Variants in NDEL1 observed in about 807,000 individuals in gnomAD.
The protein encoded by NDEL1 is nuclear distribution protein nudE-like 1.
A neutral mutation model predicts 45.7 loss-of-function variants in NDEL1; 9 were observed. The ratio of observed to expected loss-of-function variants is 0.20; its 90% CI spans 0.12 to 0.34. The LOEUF is 0.34. NDEL1 is among the 10% of genes least tolerant of loss of function. The pLI is 1.00. For missense variants in NDEL1, 306 were observed against 406.2 expected, an observed-to-expected ratio of 0.75 and a Z score of 2.12; for synonymous variants, 133 against 158.6, an observed-to-expected ratio of 0.84 and a Z score of 1.21.
intron 1 of NDEL1, among the ~76,000 whole-genome samples, chr17:8,439,837 C>T (rs73241231): frequency 0.028 from 4,333 of 152,236 alleles, 192 homozygotes; most frequent in African/African-American, 0.095. Flanking sequence ...CAAATATTAG[C>T]TCACTTCATA....
chr17:8,422,156 C>G (rs961681991), intron 1 of NDEL1, among the ~76,000 whole-genome samples: 2 of 152,202 alleles, frequency 1.3e-5, no homozygotes, highest in Admixed American at 6.5e-5. Context: ...ATCCTCTGCT[C>G]TATGTCTCTG....
chr17:8,417,881 GGT>G (rs1209656687), intron 1 of NDEL1, among the ~76,000 whole-genome samples: 1 of 152,180 alleles, frequency 6.6e-6, no homozygotes, highest in Non-Finnish European at 1.5e-5. Context: ...CTCCTGCTGG[GGT>G]GGGAGAGAAG....
intron 7 of NDEL1, 86 bp downstream of exon 7, chr17:8,454,973 G>T: frequency 1.6e-6 from 2 of 1,266,458 alleles, no homozygotes; most frequent in Non-Finnish European, 2.3e-6. Context: ...AGAAAGAAAG[G>T]ATACTTTCCT....
At chr17:8,415,783 T>C (rs1166952705) in intron 1 of NDEL1, among the ~76,000 whole-genome samples, 2 of 152,118 alleles carry the variant, frequency 1.3e-5, no homozygotes, top group Non-Finnish European at 2.9e-5. Flanking sequence ...AGTCTCGCAC[T>C]GTTGCCCAGG....
In NDEL1 at chr17:8,450,909, C is replaced by A; in HGVS notation, c.656C>A (p.Thr219Asn). The A allele has an allele frequency of 6.2e-7, 1 of 1,612,310 alleles. No homozygotes were observed. The highest frequency in any genetic ancestry group is 8.5e-7 in the Non-Finnish European group (1 of 1,179,370). The change falls in exon 6 of 9, where the codon ACC becomes AAC. Residue 219 changes from threonine to asparagine, a missense_variant. By Grantham distance (65) the Thr-to-Asn change is moderately conservative. This residue lies in a region of NDEL1 where 175 missense variants were observed against 205.2 expected (regional missense o/e 0.85). Transcript: ENST00000334527. ...AVQASLSLPA[T>N]PVGKGTENTF... ...CAAGCATCACTTTCTTTGCCAGCTACCCCTGTTGGCAAAGGAACGGAGAAC... is the reference window on the plus strand; with the variant it reads ...CAAGCATCACTTTCTTTGCCAGCTAACCCTGTTGGCAAAGGAACGGAGAAC...
intron 1 of NDEL1, among the ~76,000 whole-genome samples, chr17:8,422,317 T>C (rs1468963965): frequency 6.6e-6 from 1 of 152,094 alleles, no homozygotes; most frequent in Non-Finnish European, 1.5e-5. Context: ...CCCACCTTTT[T>C]TTGTTGTTGT....
At chr17:8,454,486 GA>G (rs1049028563) in intron 6 of NDEL1, among the ~76,000 whole-genome samples, 2 of 152,044 alleles carry the variant, frequency 1.3e-5, no homozygotes, top group African/African-American at 4.8e-5. Flanking sequence ...CTGTTAAGGT[GA>G]AAAAAATGGG....
downstream of NDEL1, among the ~76,000 whole-genome samples, chr17:8,469,610 TC>T (rs1911784027): frequency 6.6e-6 from 1 of 152,054 alleles, no homozygotes; most frequent in Non-Finnish European, 1.5e-5. Context: ...TTATTTCTGA[TC>T]CCTTTGGGAA....
At chr17:8,453,429 T>C (rs1910644134) in intron 6 of NDEL1, among the ~76,000 whole-genome samples, 1 of 152,204 alleles carries the variant, frequency 6.6e-6, no homozygotes, top group Admixed American at 6.5e-5. Flanking sequence ...CTTCACAACA[T>C]CTTTATGATG....
chr17:8,448,525 C>A, intron 4 of NDEL1, 25 bp from the exon 5 acceptor site: 1 of 1,604,078 alleles, frequency 6.2e-7, no homozygotes, highest in Non-Finnish European at 8.5e-7. Flanking sequence ...TTATTTAATT[C>A]ATGTACTCTA....
upstream of NDEL1, among the ~76,000 whole-genome samples, chr17:8,433,992 G>A (rs1437716816): frequency 6.6e-6 from 1 of 152,104 alleles, no homozygotes; most frequent in East Asian, 1.9e-4. Flanking sequence ...CATTGTTCCT[G>A]TTTATGTCCA....
intron 1 of NDEL1, among the ~76,000 whole-genome samples, chr17:8,421,820 G>C (rs1874918): frequency 0.71 from 107,549 of 151,976 alleles, 38,717 homozygotes; most frequent in Middle Eastern, 0.8. Flanking sequence ...CCAGGAGAGG[G>C]CTGACTCTGC....
chr17:8,439,042 C>T (rs959847333), intron 1 of NDEL1, among the ~76,000 whole-genome samples: 11 of 148,966 alleles, frequency 7.4e-5, no homozygotes, highest in African/African-American at 1.7e-4. Flanking sequence ...CCCGGGTTCA[C>T]GCCATTCTCC....
intron 1 of NDEL1, among the ~76,000 whole-genome samples, chr17:8,428,323 G>GGTGTGT (rs61341198): frequency 0.13 from 8,055 of 61,692 alleles, 359 homozygotes; most frequent in Non-Finnish European, 0.16. Flanking sequence ...AAGTGTGTGT[G>GGTGTGT]GTGTGTGTGT....
At chr17:8,451,615 A>C (rs150492795) in intron 6 of NDEL1, among the ~76,000 whole-genome samples, 4 of 152,326 alleles carry the variant, frequency 2.6e-5, no homozygotes, top group African/African-American at 9.6e-5. Context: ...GAATACTCAC[A>C]TTGCCATGAA....
Position 8,467,383 on chromosome 17 carries a change from T to A in NDEL1, c.*360T>A, listed in dbSNP as rs1911669955. The A allele has an allele frequency of 2.3e-6, 1 of 426,084 alleles. No homozygotes were observed. The highest frequency in any genetic ancestry group is 7.8e-5 in the South Asian group (1 of 12,802). The allele number at this position is 426,084 out of a possible 1,614,324, so 26.4% of individuals were successfully genotyped here. A position where few individuals can be genotyped will look rare whatever the true frequency, so the allele number is the denominator to read the frequency against. On this transcript the variant is annotated 3_prime_UTR_variant, in exon 9 of 9. Transcript: ENST00000334527. The surrounding 1 kb of genome is among the most constrained non-coding windows in gnomAD (Gnocchi z 6.3). ...TGTACTGATAGGATTTAGTTGTGTT[T>A]TAGGACATTGCAAATCTTCTAGAAG...
upstream of NDEL1, among the ~76,000 whole-genome samples, chr17:8,434,740 C>T (rs1211050765): frequency 2.0e-5 from 3 of 152,000 alleles, no homozygotes; most frequent in East Asian, 1.9e-4. Flanking sequence ...CACACATACA[C>T]GTGTGTGTTT....
At chr17:8,473,187 ATTC>A (rs1375538242) in intron 3 of NDEL1, among the ~76,000 whole-genome samples, 7 of 151,710 alleles carry the variant, frequency 4.6e-5, no homozygotes, top group South Asian at 2.1e-4. Context: ...GTAGGGAAGA[ATTC>A]TTTTTTTTTT....
chr17:8,455,093 G>T (rs1251942514), intron 7 of NDEL1, among the ~76,000 whole-genome samples: 2 of 152,188 alleles, frequency 1.3e-5, no homozygotes, highest in Admixed American at 6.5e-5. Context: ...GAACTCTGAG[G>T]TTCCCACCGG....
Sources: allele counts gnomAD v4.1 joint callset (sites outside exome capture counted in the v4.1 genomes callset), GRCh38; gene constraint gnomAD v4.1.1; regional missense constraint gnomAD v4.1.1; non-coding constraint Gnocchi (gnomAD v3.1); transcripts MANE v1.5; gene names NCBI Gene and HGNC (gene_info 2026-07-23, HGNC 2026-07-21).